Variants in RICTOR observed in about 807,000 individuals in gnomAD.
RICTOR encodes the protein RPTOR independent companion of MTOR complex 2.
In RICTOR, 49 loss-of-function variants were observed where a neutral mutation model predicts 214.9. That is an observed-to-expected ratio of 0.23 (90% CI 0.18 to 0.29). RICTOR has a LOEUF of 0.29. Among genes scored for constraint, RICTOR ranks in the 10% least tolerant of loss-of-function variants. RICTOR has a pLI of 1.00. For missense variants in RICTOR, 1,625 were observed against 2,047.0 expected (o/e 0.79, Z 3.98); for synonymous variants, 717 against 711.3 (o/e 1.01, Z -0.13).
At chr5:39,043,521 G>T (rs1340318397) in intron 2 of RICTOR, among the ~76,000 whole-genome samples, 1 of 152,152 alleles carries the variant, frequency 6.6e-6, no homozygotes, top group Non-Finnish European at 1.5e-5. Flanking sequence ...CAGTTAGGAG[G>T]AATAAGTTCT....
intron 2 of RICTOR, among the ~76,000 whole-genome samples, chr5:39,044,652 G>C (rs1473839592): frequency 6.6e-6 from 1 of 152,066 alleles, no homozygotes; most frequent in Non-Finnish European, 1.5e-5. Flanking sequence ...CACTTTCTAA[G>C]GTAAGAACAA....
chr5:38,987,682 T>G (rs1261404344), intron 7 of RICTOR, among the ~76,000 whole-genome samples: 1 of 152,172 alleles, frequency 6.6e-6, no homozygotes, highest in Admixed American at 6.5e-5. Flanking sequence ...TCGTTTTTTT[T>G]GAAGGGTTTT....
At chr5:39,046,662 G>A (rs1258752473) in intron 2 of RICTOR, among the ~76,000 whole-genome samples, 3 of 151,938 alleles carry the variant, frequency 2.0e-5, no homozygotes, top group Admixed American at 6.6e-5. Context: ...CATATTTCCC[G>A]TGGTTTCTGC....
intron 3 of RICTOR, among the ~76,000 whole-genome samples, chr5:39,009,675 A>G (rs188225863): frequency 3.3e-5 from 5 of 152,258 alleles, no homozygotes; most frequent in Non-Finnish European, 7.4e-5. Flanking sequence ...AGAGGGCTTT[A>G]ATCAGTCTTA....
chr5:38,986,284 T>C (rs959927556), intron 7 of RICTOR, among the ~76,000 whole-genome samples: 1 of 152,176 alleles, frequency 6.6e-6, no homozygotes, highest in Non-Finnish European at 1.5e-5. Flanking sequence ...TCTGCCACAA[T>C]TGTAAGTTTC....
chr5:38,961,166 G>T (rs907486377), intron 19 of RICTOR, among the ~76,000 whole-genome samples: 1 of 151,910 alleles, frequency 6.6e-6, no homozygotes, highest in African/African-American at 2.4e-5. Context: ...AAATCTCTGT[G>T]GAGTAAGAAT....
At chr5:38,953,430 C>T (rs550223749) in intron 28 of RICTOR, 31 bp downstream of exon 28, 27 of 971,562 alleles carry the variant, frequency 2.8e-5, no homozygotes, top group African/African-American at 2.2e-4. Flanking sequence ...CTAAAAATTG[C>T]GAAGATCTTA....
chr5:39,032,733 C>T (rs1046351516), intron 2 of RICTOR, among the ~76,000 whole-genome samples: 1 of 152,180 alleles, frequency 6.6e-6, no homozygotes, highest in African/African-American at 2.4e-5. Flanking sequence ...GTGCAATTAA[C>T]CAACTGAATG....
chr5:39,066,575 G>C (rs1319596110), intron 2 of RICTOR, among the ~76,000 whole-genome samples: 1 of 152,166 alleles, frequency 6.6e-6, no homozygotes, highest in Non-Finnish European at 1.5e-5. Context: ...TTGCCACATG[G>C]CTAGGCTGCA....
Position 38,947,263 on chromosome 5 carries a change from C to A in RICTOR, c.4314+1G>T. 6.3e-7 allele frequency: 1 copy of A among 1,597,876 alleles called. No homozygotes were observed. Among genetic ancestry groups the A allele is most frequent in the Middle Eastern group, 1.7e-4 (1 of 5,990 alleles). On this transcript the variant is annotated splice_donor_variant, in intron 32 of 37. Transcript: ENST00000357387. LOFTEE classifies it high-confidence loss of function. ...GAAAACAATAAAATGTATGATAATA[C>A]CTGGAATATATCATTTATATCCACC...
intron 2 of RICTOR, among the ~76,000 whole-genome samples, chr5:39,047,433 GCTGCTCACCTC>G (rs1301055211): frequency 1.3e-5 from 2 of 152,112 alleles, no homozygotes; most frequent in Admixed American, 6.6e-5. Context: ...ATGCTTGCCC[GCTGCTCACCTC>G]CTGCTGTGTG....
At chr5:38,986,843 A>G (rs189754230) in intron 7 of RICTOR, among the ~76,000 whole-genome samples, 1 of 152,182 alleles carries the variant, frequency 6.6e-6, no homozygotes, top group African/African-American at 2.4e-5. Context: ...ATTCAGTATG[A>G]TATTGGCTGT....
chr5:39,073,638 A>C (rs959997295), intron 2 of RICTOR, among the ~76,000 whole-genome samples: 10 of 152,176 alleles, frequency 6.6e-5, no homozygotes, highest in Admixed American at 4.6e-4. Context: ...GAAAGCAGTC[A>C]CGCAGTCGGC....
At chr5:39,059,368 G>A (rs571266186) in intron 2 of RICTOR, among the ~76,000 whole-genome samples, 2 of 152,126 alleles carry the variant, frequency 1.3e-5, no homozygotes, top group Non-Finnish European at 2.9e-5. Context: ...GGCTGGGAAA[G>A]TAGTGCCTGG....
At chr5:39,043,185 A>C (rs1757281782) in intron 2 of RICTOR, among the ~76,000 whole-genome samples, 1 of 152,190 alleles carries the variant, frequency 6.6e-6, no homozygotes, top group Non-Finnish European at 1.5e-5. Flanking sequence ...CCAAAGAGAT[A>C]CCATATTTTT....
At chr5:39,040,202 C>A (rs189617522) in intron 2 of RICTOR, among the ~76,000 whole-genome samples, 4,700 of 151,308 alleles carry the variant, frequency 0.031, 100 homozygotes, top group Non-Finnish European at 0.049. Context: ...TCATTCTCAG[C>A]AAACTATTGC....
At chr5:38,981,221 C>T (rs1448243562) in intron 8 of RICTOR, 1 of 152,068 alleles carries the variant, frequency 6.6e-6, no homozygotes, top group Non-Finnish European at 1.5e-5. Flanking sequence ...CAAACAAATC[C>T]TTGATTTAAG....
intron 3 of RICTOR, among the ~76,000 whole-genome samples, chr5:39,011,579 G>T (rs1276446232): frequency 6.6e-6 from 1 of 152,194 alleles, no homozygotes; most frequent in African/African-American, 2.4e-5. Context: ...GCAGTCAGGA[G>T]GGGGTGCTGT....
chr5:39,037,374 C>T (rs374663753), intron 2 of RICTOR, among the ~76,000 whole-genome samples: 1 of 150,574 alleles, frequency 6.6e-6, no homozygotes, highest in African/African-American at 2.5e-5. Context: ...AGGAAAGATC[C>T]AAAATTGACA....
Sources: allele counts gnomAD v4.1 joint callset (sites outside exome capture counted in the v4.1 genomes callset), GRCh38; gene constraint gnomAD v4.1.1; transcripts MANE v1.5; gene names NCBI Gene and HGNC (gene_info 2026-07-23, HGNC 2026-07-21).